The following CSMD1 variants were observed in gnomAD, a reference collection of about 807,000 sequenced individuals.
The protein encoded by CSMD1 is CUB and sushi domain-containing protein 1.
In CSMD1, 213 loss-of-function variants were observed where a neutral mutation model predicts 417.5. That is an observed-to-expected ratio of 0.51 (90% CI 0.46 to 0.57). CSMD1 has a LOEUF of 0.57. Among genes scored for constraint, CSMD1 ranks in the 20% least tolerant of loss-of-function variants. The pLI is 0.00. For missense variants in CSMD1, 6,923 were observed against 4,529.7 expected (o/e 1.53, Z -15.17); for synonymous variants, 2,862 against 1,736.8 (o/e 1.65, Z -16.11).
chr8:3,398,867 A>T (rs1811860785), intron 16 of CSMD1, among the ~76,000 whole-genome samples: 1 of 152,176 alleles, frequency 6.6e-6, no homozygotes, highest in Admixed American at 6.5e-5. Context: ...GAAATGCATT[A>T]TTAAATAGCT....
chr8:3,194,839 C>T (rs1796615029), intron 33 of CSMD1, among the ~76,000 whole-genome samples: 1 of 151,934 alleles, frequency 6.6e-6, no homozygotes, highest in African/African-American at 2.4e-5. Context: ...GAAGAAGAAG[C>T]CTTGAGCTCC....
chr8:4,716,790 C>G (rs1306258330), intron 1 of CSMD1, among the ~76,000 whole-genome samples: 5 of 152,122 alleles, frequency 3.3e-5, no homozygotes, highest in South Asian at 2.1e-4. Flanking sequence ...AAATCAGTGT[C>G]TCGCCTTTTT....
At chr8:3,329,317 G>C (rs1439553048) in intron 23 of CSMD1, among the ~76,000 whole-genome samples, 1 of 152,078 alleles carries the variant, frequency 6.6e-6, no homozygotes, top group Non-Finnish European at 1.5e-5. Flanking sequence ...GGACCCCTAA[G>C]AGCAGGCTTC....
intron 2 of CSMD1, among the ~76,000 whole-genome samples, chr8:4,615,368 T>C (rs1396684306): frequency 6.6e-6 from 1 of 152,170 alleles, no homozygotes; most frequent in Non-Finnish European, 1.5e-5. Flanking sequence ...TGGTGTTTCT[T>C]CTTATCTTAA....
intron 6 of CSMD1, among the ~76,000 whole-genome samples, chr8:3,749,080 G>A (rs969963810): frequency 6.6e-6 from 1 of 152,108 alleles, no homozygotes; most frequent in Non-Finnish European, 1.5e-5. Flanking sequence ...AGTAGTGAGG[G>A]GGCCCTCATG....
intron 20 of CSMD1, among the ~76,000 whole-genome samples, chr8:3,364,949 T>C (rs1201246646): frequency 6.6e-6 from 1 of 152,224 alleles, no homozygotes; most frequent in African/African-American, 2.4e-5. Context: ...GTAAAATGAA[T>C]AGAATTTGCA....
At chr8:4,245,787 T>G (rs1266304444) in intron 3 of CSMD1, among the ~76,000 whole-genome samples, 2 of 152,184 alleles carry the variant, frequency 1.3e-5, no homozygotes, top group East Asian at 3.8e-4. Context: ...TTTCCTATTT[T>G]CTTAACAAAA....
chr8:4,068,902 A>G (rs1421952713), intron 3 of CSMD1, among the ~76,000 whole-genome samples: 2 of 152,244 alleles, frequency 1.3e-5, no homozygotes, highest in Non-Finnish European at 2.9e-5. Flanking sequence ...TATGGTTATA[A>G]TAACCAAATA....
intron 7 of CSMD1, among the ~76,000 whole-genome samples, chr8:3,674,252 G>C (rs1008930679): frequency 3.9e-5 from 6 of 152,148 alleles, no homozygotes; most frequent in Non-Finnish European, 5.9e-5. Flanking sequence ...CATTTTGTTA[G>C]TTGACTGTAA....
chr8:4,367,589 A>C (rs1188384700), intron 3 of CSMD1, among the ~76,000 whole-genome samples: 1 of 152,058 alleles, frequency 6.6e-6, no homozygotes, highest in Non-Finnish European at 1.5e-5. Flanking sequence ...TTCTTTTTCT[A>C]ATTCTGTAAA....
At chr8:3,479,997 A>T (rs1032625701) in intron 11 of CSMD1, among the ~76,000 whole-genome samples, 1 of 152,370 alleles carries the variant, frequency 6.6e-6, no homozygotes, top group Non-Finnish European at 1.5e-5. Flanking sequence ...AATGAGCAAT[A>T]ATAGAATCAG....
chr8:4,058,567 T>C (rs12679303), intron 3 of CSMD1, among the ~76,000 whole-genome samples: 136,321 of 151,570 alleles, frequency 0.9, 61,438 homozygotes, highest in Middle Eastern at 0.95. Flanking sequence ...ACTTCCAACA[T>C]ATAGGCTCAA....
chr8:3,995,360 T>G (rs755648088), intron 5 of CSMD1, among the ~76,000 whole-genome samples: 1 of 150,484 alleles, frequency 6.6e-6, no homozygotes, highest in East Asian at 2.0e-4. Flanking sequence ...ATGATAAACA[T>G]TAAATGTTAC....
At chr8:3,076,128 G>A (rs1427143036) in intron 49 of CSMD1, among the ~76,000 whole-genome samples, 10 of 152,128 alleles carry the variant, frequency 6.6e-5, no homozygotes, top group Admixed American at 6.5e-4. Flanking sequence ...TGCCAGGGCT[G>A]CCATAACAAC....
intron 7 of CSMD1, among the ~76,000 whole-genome samples, chr8:3,655,150 C>G (rs1370192057): frequency 3.9e-5 from 6 of 152,194 alleles, no homozygotes; most frequent in African/African-American, 1.2e-4. Flanking sequence ...AGCTAAATCT[C>G]TTGCTTTTGA....
intron 12 of CSMD1, among the ~76,000 whole-genome samples, chr8:3,437,231 G>T (rs1372954856): frequency 6.6e-6 from 1 of 152,168 alleles, no homozygotes; most frequent in Non-Finnish European, 1.5e-5. Context: ...TTGATTTGAT[G>T]TATCCTTGTC....
intron 12 of CSMD1, among the ~76,000 whole-genome samples, chr8:3,463,181 G>T (rs1175908173): frequency 6.6e-6 from 1 of 152,134 alleles, no homozygotes; most frequent in Non-Finnish European, 1.5e-5. Context: ...CACCTGTCGT[G>T]ACTGGGCACT....
At chr8:4,261,941 G>A (rs1803916259) in intron 3 of CSMD1, among the ~76,000 whole-genome samples, 1 of 152,108 alleles carries the variant, frequency 6.6e-6, no homozygotes. Flanking sequence ...ATATGGCAAT[G>A]TAACAAAACA....
rs562011091 is a variant in CSMD1, at chr8:3,939,849, T to A, written c.818+58054A>T. On this transcript the variant is annotated intron_variant, in intron 5 of 69. Coordinates refer to ENST00000635120, the MANE Select transcript of CSMD1 (RefSeq NM_033225.6). ...AGGCATAATAATAATATAATGGACA[T>A]TGGGTATTGGGAGAAGGGTAGGAAG... 2.6e-5 allele frequency among the ~76,000 whole-genome samples: 4 copies of A among 151,964 alleles called. No homozygotes were observed. The East Asian group carries it at 7.7e-4, about 29-fold the overall frequency.
Sources: gnomAD v4.1 joint callset for allele counts (sites outside exome capture counted in the v4.1 genomes callset) on GRCh38, gnomAD v4.1.1 for gene constraint, MANE v1.5 for transcripts, NCBI Gene and HGNC (gene_info 2026-07-23, HGNC 2026-07-21) for gene names.